AKAP10: variants seen among roughly 807,000 people sequenced by gnomAD.
AKAP10 encodes A-kinase anchoring protein 10.
A neutral mutation model predicts 80.8 loss-of-function variants in AKAP10; 24 were observed. The observed-to-expected ratio is 0.30, with a 90% confidence interval of 0.22 to 0.42. AKAP10 has a LOEUF of 0.42. AKAP10 is among the 10% of genes least tolerant of loss of function. The probability of loss-of-function intolerance (pLI) is 1.00; values close to 1 mark genes in which losing one functional copy is unlikely to be tolerated. For missense variants in AKAP10, 661 were observed against 794.9 expected (o/e 0.83, Z 2.03); for synonymous variants, 291 against 277.7 (o/e 1.05, Z -0.48).
At chr17:19,924,926 G>C (rs553490429) in intron 10 of AKAP10, among the ~76,000 whole-genome samples, 1 of 152,110 alleles carries the variant, frequency 6.6e-6, no homozygotes, top group African/African-American at 2.4e-5. Flanking sequence ...CACTTTGGGA[G>C]GCTGAGGCAG....
rs1337351862 is a variant in AKAP10, at chr17:19,909,223, C to T, written c.1941G>A (p.Met647Ile). 6.2e-7 allele frequency: 1 copy of T among 1,613,774 alleles called. No homozygotes were observed. The highest frequency in any genetic ancestry group is 8.5e-7 in the Non-Finnish European group (1 of 1,179,950). ...ACGGTTGATCATACTGAGCCTGCTG[C>T]ATAATGTCACTGACTATCATTTTAG... ...KIAKMIVSDIMQQAQYDQPLE... is the reference protein window; with the variant it reads ...KIAKMIVSDIIQQAQYDQPLE... Residue 647 changes from methionine (M) to isoleucine (I), a missense_variant, in exon 14 of 15, where the codon ATG becomes ATA. Physicochemically the swap from Met to Ile is conservative, Grantham distance 10. Coordinates refer to ENST00000225737, the MANE Select transcript of AKAP10 (RefSeq NM_007202.4).
intron 1 of AKAP10, among the ~76,000 whole-genome samples, chr17:19,971,797 T>A (rs1404781353): frequency 6.6e-6 from 1 of 152,218 alleles, no homozygotes; most frequent in African/African-American, 2.4e-5. Context: ...CCTCTAGACA[T>A]GGAATTGCTA....
Position 19,907,410 on chromosome 17 carries a change from C to CT in AKAP10, c.1984-1179dup, listed in dbSNP as rs59027197. 9.7e-3 allele frequency among the ~76,000 whole-genome samples: 1,327 copies of CT among 136,394 alleles called. 33 individuals carry two copies. The highest frequency in any genetic ancestry group is 0.014 in the African/African-American group (514 of 37,224). The allele number at this position is 136,394 out of a possible 152,430, so 89.5% of individuals were successfully genotyped here. On this transcript the variant is annotated intron_variant, in intron 14 of 14. Coordinates refer to ENST00000225737, the MANE Select transcript of AKAP10 (RefSeq NM_007202.4). ...CTCATTATACTCTTGTTTTCTTTAA[C>CT]TTTTTTTTTTTTTTTTTTGAGACAG... is the stretch of plus-strand genomic sequence containing the variant.
At chr17:19,907,371 T>C in intron 14 of AKAP10, among the ~76,000 whole-genome samples, 1 of 151,908 alleles carries the variant, frequency 6.6e-6, no homozygotes, top group Middle Eastern at 3.2e-3. Context: ...CTTTTAAAAC[T>C]ATTTTGCATT....
At chr17:19,937,065 C>T (rs2042999896) in intron 8 of AKAP10, among the ~76,000 whole-genome samples, 1 of 150,148 alleles carries the variant, frequency 6.7e-6, no homozygotes, top group African/African-American at 2.5e-5. Flanking sequence ...TTTTGGTAAG[C>T]TGATTATGAA....
intron 1 of AKAP10, among the ~76,000 whole-genome samples, chr17:19,972,769 T>C (rs1017264500): frequency 2.0e-5 from 3 of 152,220 alleles, no homozygotes; most frequent in African/African-American, 7.2e-5. Context: ...TTTTAAGTTT[T>C]AACGTAGTCA....
At chr17:19,941,117 G>A in intron 6 of AKAP10, 107 bp from the exon 7 acceptor site, 1 of 1,181,640 alleles carries the variant, frequency 8.5e-7, no homozygotes, top group Non-Finnish European at 1.2e-6. Context: ...AAAGGCCTAG[G>A]TCAACACTAC....
At chr17:19,957,263 C>T (rs1260009121) in intron 4 of AKAP10, among the ~76,000 whole-genome samples, 2 of 151,958 alleles carry the variant, frequency 1.3e-5, no homozygotes, top group Non-Finnish European at 2.9e-5. Flanking sequence ...ATAATCAGTC[C>T]GGGCGCGGTG....
chr17:19,977,125 T>C (rs993762424), intron 1 of AKAP10, among the ~76,000 whole-genome samples: 7 of 152,058 alleles, frequency 4.6e-5, no homozygotes. Context: ...CAGCAGTAAC[T>C]ACCCCTCCCC....
chr17:19,967,686 T>C (rs895766150), intron 2 of AKAP10, among the ~76,000 whole-genome samples: 8 of 151,760 alleles, frequency 5.3e-5, no homozygotes, highest in Admixed American at 3.9e-4. Flanking sequence ...AGTTTGAGAC[T>C]GGCCTGGCCA....
intron 4 of AKAP10, 24 bp from the exon 5 acceptor site, chr17:19,947,529 A>T (rs1488295776): frequency 6.4e-7 from 1 of 1,553,774 alleles, no homozygotes; most frequent in East Asian, 2.2e-5. Flanking sequence ...AGAGAACTTC[A>T]AAAACCAAAA....
intron 4 of AKAP10, among the ~76,000 whole-genome samples, 158 bp from the exon 5 acceptor site, chr17:19,947,663 G>C (rs1597511829): frequency 6.6e-6 from 1 of 152,284 alleles, no homozygotes; most frequent in East Asian, 1.9e-4. Flanking sequence ...TTGTGGAAGA[G>C]GAGAGTTACA....
intron 9 of AKAP10, chr17:19,936,029 TTTG>T: frequency 3.2e-6 from 1 of 316,140 alleles, no homozygotes; most frequent in Non-Finnish European, 5.7e-6. Flanking sequence ...TTTTCTAACT[TTTG>T]TTATTATTGC....
chr17:19,915,871 A>C, intron 12 of AKAP10, among the ~76,000 whole-genome samples: 1 of 152,158 alleles, frequency 6.6e-6, no homozygotes, highest in Non-Finnish European at 1.5e-5. Flanking sequence ...CAATCCCTTA[A>C]AAACACTAAA....
chr17:19,938,895 G>C (rs897593329), intron 8 of AKAP10, among the ~76,000 whole-genome samples: 1 of 152,008 alleles, frequency 6.6e-6, no homozygotes, highest in South Asian at 2.1e-4. Flanking sequence ...ATCACGCTCA[G>C]CTAATTTTTG....
At chr17:19,946,957 A>ACTGG in intron 5 of AKAP10, among the ~76,000 whole-genome samples, 1 of 152,170 alleles carries the variant, frequency 6.6e-6, no homozygotes, top group Non-Finnish European at 1.5e-5. Flanking sequence ...CTGTCTGGCC[A>ACTGG]TCCAGTTGCC....
chr17:19,944,516 G>A (rs1474289094), intron 5 of AKAP10, among the ~76,000 whole-genome samples: 2 of 152,060 alleles, frequency 1.3e-5, no homozygotes, highest in Non-Finnish European at 2.9e-5. Context: ...TTAGCCAGGC[G>A]TGGTGGCGAG....
At chr17:19,973,514 C>T (rs2043525895) in intron 1 of AKAP10, among the ~76,000 whole-genome samples, 1 of 152,152 alleles carries the variant, frequency 6.6e-6, no homozygotes, top group Admixed American at 6.5e-5. Flanking sequence ...TCTATCTTTT[C>T]CCAACTAGGA....
intron 12 of AKAP10, 21 bp from the exon 13 acceptor site, chr17:19,909,999 T>A (rs749481530): frequency 2.5e-6 from 4 of 1,610,240 alleles, no homozygotes; most frequent in Non-Finnish European, 3.4e-6. Flanking sequence ...AAGACAAAAT[T>A]GAATGTACAT....
Sources: allele counts gnomAD v4.1 joint callset (sites outside exome capture counted in the v4.1 genomes callset), GRCh38; gene constraint gnomAD v4.1.1; transcripts MANE v1.5; gene names NCBI Gene and HGNC (gene_info 2026-07-23, HGNC 2026-07-21).